TMC7: variants seen among roughly 807,000 people sequenced by gnomAD.
TMC7 encodes the protein transmembrane channel-like protein 7.
TMC7 carries 54 observed loss-of-function variants against 82.9 expected under a neutral mutation model. The ratio of observed to expected loss-of-function variants is 0.65; its 90% CI spans 0.52 to 0.82. The LOEUF (loss-of-function observed/expected upper bound fraction) is 0.82, where lower values mean the gene tolerates loss of function less well. Among genes scored for constraint, TMC7 ranks in the 40% least tolerant of loss-of-function variants. The pLI, the probability that TMC7 is intolerant of heterozygous loss-of-function variation, is 0.00. For missense variants in TMC7, 820 were observed against 901.2 expected, an observed-to-expected ratio of 0.91 and a Z score of 1.15; for synonymous variants, 350 against 337.9, an observed-to-expected ratio of 1.04 and a Z score of -0.39.
intron 11 of TMC7, among the ~76,000 whole-genome samples, chr16:19,045,710 C>A (rs1961246875): frequency 4.0e-5 from 6 of 151,310 alleles, no homozygotes. Context: ...GATTCTCCTG[C>A]CTCAGCCTCC....
intron 5 of TMC7, among the ~76,000 whole-genome samples, chr16:19,023,581 G>A (rs1189791617): frequency 6.6e-6 from 1 of 152,148 alleles, no homozygotes; most frequent in African/African-American, 2.4e-5. Flanking sequence ...CGAGTAGCTG[G>A]AATTACACGT....
chr16:19,038,845 G>A (rs560885911), intron 8 of TMC7, among the ~76,000 whole-genome samples: 2 of 152,254 alleles, frequency 1.3e-5, no homozygotes, highest in African/African-American at 4.8e-5. Flanking sequence ...AGCATCTAAA[G>A]TGTAGTGTTT....
intron 7 of TMC7, 140 bp from the exon 8 acceptor site, chr16:19,037,734 C>T (rs115075523): frequency 1.9e-5 from 16 of 850,692 alleles, no homozygotes; most frequent in Admixed American, 6.3e-5. Context: ...TGGCCTGCCA[C>T]GGTGCTAGGG....
Position 19,037,967 on chromosome 16 carries a change from T to C in TMC7, c.1099T>C (p.Cys367Arg). The part of the protein sequence containing the change: ...RIYSLRLFLN[C>R]IVLAVLGACF... The stretch of plus-strand genomic sequence containing the variant: ...TTACTCTTTGAGACTGTTTTTGAAC[T>C]GTATTGTTCTGGCTGTTTTAGGGGC... Residue 367 changes from cysteine (C) to arginine (R), a missense_variant, in exon 8 of 16, where the codon TGT (cysteine) becomes CGT (arginine). Coordinates refer to ENST00000304381, the MANE Select transcript of TMC7 (RefSeq NM_024847.4). 1 of 1,614,148 alleles carries C rather than the reference T, an allele frequency of 6.2e-7. No individual in the cohort carries two copies. The highest frequency in any genetic ancestry group is 8.5e-7 in the Non-Finnish European group (1 of 1,180,018).
rs1047878179 is a variant in TMC7 at position 19,062,954 on chromosome 16, C to G, written c.*1111C>G. 6.6e-6 allele frequency: 1 copy of G among 152,136 alleles called. No individual in the cohort carries two copies. Among genetic ancestry groups the G allele is most frequent in the African/African-American group, 2.4e-5 (1 of 41,410 alleles). 9.4% of individuals were successfully genotyped at this position (152,136 alleles called of 1,614,324 possible). A position where few individuals can be genotyped will look rare whatever the true frequency, so the allele number is the denominator to read the frequency against. On this transcript the variant is annotated 3_prime_UTR_variant, in exon 16 of 16. Transcript: ENST00000304381. ...GCTGTTGCTGTTAACAATAATTCTC[C>G]CGGCCATCTCCACTCCACTACTCAA...
chr16:19,035,237 A>G (rs112424850), intron 6 of TMC7, among the ~76,000 whole-genome samples: 2,165 of 152,304 alleles, frequency 0.014, 44 homozygotes, highest in African/African-American at 0.047. Flanking sequence ...GTACTCATGG[A>G]CATAAAGATG....
At chr16:18,992,113 G>A (rs1309207265) in intron 1 of TMC7, among the ~76,000 whole-genome samples, 2 of 152,204 alleles carry the variant, frequency 1.3e-5, no homozygotes, top group East Asian at 3.8e-4. Flanking sequence ...TATATACCCA[G>A]TAATGGGATG....
intron 5 of TMC7, among the ~76,000 whole-genome samples, chr16:19,029,005 T>TTATA (rs1385753784): frequency 2.5e-4 from 38 of 149,884 alleles, no homozygotes; most frequent in African/African-American, 9.3e-4. Context: ...TTTATTTTAT[T>TTATA]TATTTATTTA....
intron 3 of TMC7, among the ~76,000 whole-genome samples, chr16:19,017,836 A>G (rs1959776671): frequency 6.6e-6 from 1 of 151,904 alleles, no homozygotes; most frequent in Admixed American, 6.6e-5. Context: ...TCGCCTGGCT[A>G]ATTTTTTGTA....
In TMC7 at chr16:18,984,329, C is replaced by G. The variant is rs983492493; in HGVS notation, c.67+199C>G. Reference sequence around the variant, plus strand: ...CTCCACAAACGCGTCCTCATCCAATCCAGTGGAACCCAGCCGGGCCAAAAG... The same window carrying G: ...CTCCACAAACGCGTCCTCATCCAATGCAGTGGAACCCAGCCGGGCCAAAAG... On this transcript the variant is annotated intron_variant, in intron 1 of 15. Coordinates refer to ENST00000304381, the MANE Select transcript of TMC7 (RefSeq NM_024847.4). The G allele has an allele frequency of 1.0e-5, 13 of 1,300,544 alleles. No individual in the cohort carries two copies. In the African/African-American group the frequency reaches 2.0e-4, roughly 20 times the overall value. 80.6% of individuals were successfully genotyped at this position (1,300,544 alleles called of 1,614,324 possible). A position where few individuals can be genotyped will look rare whatever the true frequency, so the allele number is the denominator to read the frequency against.
intron 2 of TMC7, among the ~76,000 whole-genome samples, chr16:19,015,472 A>C (rs1002505437): frequency 6.6e-6 from 1 of 151,872 alleles, no homozygotes; most frequent in Non-Finnish European, 1.5e-5. Flanking sequence ...GTGTGGATAG[A>C]CCACATTTAA....
intron 3 of TMC7, among the ~76,000 whole-genome samples, chr16:19,019,649 C>T (rs1423583791): frequency 6.6e-6 from 1 of 152,146 alleles, no homozygotes; most frequent in African/African-American, 2.4e-5. Flanking sequence ...CCCAGGCATT[C>T]AAGATGTAGA....
chr16:19,020,732 G>T (rs1358534473), intron 3 of TMC7, among the ~76,000 whole-genome samples: 1 of 151,998 alleles, frequency 6.6e-6, no homozygotes, highest in African/African-American at 2.4e-5. Context: ...GCTGGGCGTG[G>T]TGGCTCAGCC....
chr16:19,040,499 A>G, intron 9 of TMC7, 53 bp downstream of exon 9: 1 of 1,524,184 alleles, frequency 6.6e-7, no homozygotes, highest in Non-Finnish European at 8.9e-7. Flanking sequence ...CTACCTGCCC[A>G]CTCTCTTGCC....
At chr16:19,028,753 T>C (rs762047909) in intron 5 of TMC7, among the ~76,000 whole-genome samples, 8 of 151,914 alleles carry the variant, frequency 5.3e-5, no homozygotes, top group Non-Finnish European at 1.2e-4. Context: ...CCTCTCGGGT[T>C]CAAGTGATTC....
chr16:19,006,277 T>C (rs2039239429), intron 1 of TMC7, among the ~76,000 whole-genome samples: 1 of 151,556 alleles, frequency 6.6e-6, no homozygotes, highest in South Asian at 2.1e-4. Context: ...CTCGGCTCAC[T>C]GCAACCTCCG....
At chr16:19,020,145 A>G (rs1211030738) in intron 3 of TMC7, among the ~76,000 whole-genome samples, 1 of 152,240 alleles carries the variant, frequency 6.6e-6, no homozygotes, top group Non-Finnish European at 1.5e-5. Context: ...GATAAACTTC[A>G]GTTCTCATTT....
In TMC7 at chr16:19,047,141, C is replaced by G; in HGVS notation, c.1632C>G (p.Val544=). ...AGGAGTTTGCCATTCCTGATAACGT[C>G]CTGGGGATAGTTTACGGGCAAACCA... ...GQQEFAIPDN[V]LGIVYGQTIC... The change falls in exon 12 of 16, where the codon GTC becomes GTG. Residue 544 remains valine, a synonymous_variant. Coordinates refer to ENST00000304381, the MANE Select transcript of TMC7 (RefSeq NM_024847.4). 1 of 1,614,096 alleles carries G rather than the reference C, an allele frequency of 6.2e-7. No homozygotes were observed. The highest frequency in any genetic ancestry group is 8.5e-7 in the Non-Finnish European group (1 of 1,180,020).
At chr16:19,017,975 A>G (rs1370907190) in intron 3 of TMC7, among the ~76,000 whole-genome samples, 2 of 152,078 alleles carry the variant, frequency 1.3e-5, no homozygotes, top group Non-Finnish European at 2.9e-5. Context: ...TGGCTCCAAA[A>G]AAAGCTTTAA....
Sources: allele counts gnomAD v4.1 joint callset (sites outside exome capture counted in the v4.1 genomes callset), GRCh38; gene constraint gnomAD v4.1.1; transcripts MANE v1.5; gene names NCBI Gene and HGNC (gene_info 2026-07-23, HGNC 2026-07-21).